The following FARP2 variants were observed in gnomAD, a reference collection of about 807,000 sequenced individuals.
The protein encoded by FARP2 is FERM, ARHGEF and pleckstrin domain-containing protein 2.
FARP2 carries 111 observed loss-of-function variants against 130.5 expected under a neutral mutation model. The observed-to-expected ratio is 0.85, with a 90% confidence interval of 0.73 to 1.00. The LOEUF (loss-of-function observed/expected upper bound fraction) is 1.00. Ranked by LOEUF, FARP2 falls within the 50% of genes least tolerant of loss-of-function variation. The pLI is 0.00. For missense variants in FARP2, 1,385 were observed against 1,346.3 expected (o/e 1.03, Z -0.45); for synonymous variants, 504 against 516.9 (o/e 0.98, Z 0.34).
At chr2:241,433,174 A>T (rs1405136599) in intron 9 of FARP2, among the ~76,000 whole-genome samples, 1 of 152,238 alleles carries the variant, frequency 6.6e-6, no homozygotes, top group East Asian at 1.9e-4. Flanking sequence ...TGATAGGGAA[A>T]GTTCACCAAA....
At chr2:241,457,260 T>G (rs565027936) in intron 14 of FARP2, among the ~76,000 whole-genome samples, 3 of 152,250 alleles carry the variant, frequency 2.0e-5, no homozygotes, top group African/African-American at 7.2e-5. Flanking sequence ...CTTCCCACCT[T>G]CCTCATTTCT....
chr2:241,375,202 C>T (rs553355788), intron 2 of FARP2, among the ~76,000 whole-genome samples: 3 of 152,232 alleles, frequency 2.0e-5, no homozygotes, highest in Non-Finnish European at 2.9e-5. Context: ...CCGCCCGCTT[C>T]GGCCTCCCAA....
At chr2:241,417,912 T>G (rs2062716734) in intron 7 of FARP2, 50 bp from the exon 8 acceptor site, 5 of 1,601,344 alleles carry the variant, frequency 3.1e-6, no homozygotes, top group Middle Eastern at 1.7e-4. Context: ...TTTTGGCTCT[T>G]TCAGAAATCA....
intron 14 of FARP2, among the ~76,000 whole-genome samples, chr2:241,457,621 A>G (rs12622311): frequency 0.034 from 343 of 10,224 alleles, 16 homozygotes; most frequent in East Asian, 0.086. Context: ...AAGGGAGGGT[A>G]CACTAGGGAC....
At position 241,375,963 on chromosome 2, in the gene FARP2, A is replaced by C. The variant is rs1559711536; in HGVS notation, c.183+2673A>C. On this transcript the variant is annotated intron_variant, in intron 2 of 26. Transcript: ENST00000264042. ...GAGAGCTAAAATTCAATATATTGTA[A>C]GTTGGTTGTATTCTGCTTCCAAGTA... 7.9e-5 allele frequency among the ~76,000 whole-genome samples: 12 copies of C among 152,218 alleles called. No individual in the cohort carries two copies. The South Asian group carries it at 2.5e-3, about 32-fold the overall frequency.
intron 4 of FARP2, 97 bp downstream of exon 4, chr2:241,404,938 T>A (rs1003063564): frequency 4.5e-6 from 4 of 883,232 alleles, no homozygotes; most frequent in Admixed American, 1.9e-5. Flanking sequence ...CTCACCACCG[T>A]GTATGGTTAG....
chr2:241,454,824 C>A (rs1318711878), intron 13 of FARP2, among the ~76,000 whole-genome samples: 6 of 152,196 alleles, frequency 3.9e-5, no homozygotes, highest in Admixed American at 1.3e-4. Flanking sequence ...CTTGTGTTTT[C>A]AATGTATCTT....
chr2:241,411,840 T>C (rs1450783297), intron 6 of FARP2, among the ~76,000 whole-genome samples: 1 of 152,204 alleles, frequency 6.6e-6, no homozygotes, highest in Non-Finnish European at 1.5e-5. Context: ...CCTTGGTCCT[T>C]CCCCAGACAT....
At chr2:241,453,360 T>G (rs4675954) in intron 13 of FARP2, among the ~76,000 whole-genome samples, 2 of 146,922 alleles carry the variant, frequency 1.4e-5, no homozygotes, top group Non-Finnish European at 3.0e-5. Context: ...CGGTGGCTCA[T>G]GCCTGTAATC....
chr2:241,493,658 A>AATCT, intron 26 of FARP2: 2 of 579,050 alleles, frequency 3.5e-6, no homozygotes, highest in Non-Finnish European at 6.1e-6. Flanking sequence ...GCAGTGATAC[A>AATCT]ATCTTGGCTC....
chr2:241,427,393 T>C (rs2150389014), intron 8 of FARP2, among the ~76,000 whole-genome samples: 1 of 152,248 alleles, frequency 6.6e-6, no homozygotes, highest in Non-Finnish European at 1.5e-5. Flanking sequence ...GCGTGGTAGC[T>C]CAAGCCTGTA....
chr2:241,373,024 G>A (rs759577624), intron 1 of FARP2, 60 bp from the exon 2 acceptor site: 1 of 955,724 alleles, frequency 1.0e-6, no homozygotes, highest in Non-Finnish European at 1.4e-6. Context: ...CTTTTACCTT[G>A]TTTTAGTACC....
chr2:241,358,537 T>C (rs917570643), intron 1 of FARP2, among the ~76,000 whole-genome samples: 1 of 152,246 alleles, frequency 6.6e-6, no homozygotes, highest in African/African-American at 2.4e-5. Flanking sequence ...ACCTCTTCTA[T>C]ATTCGGACAG....
At position 241,491,529 on chromosome 2, in the gene FARP2, G is replaced by A. The variant is rs1427350720; in HGVS notation, c.2637G>A (p.Glu879=). 2 of 1,613,528 alleles carry A rather than the reference G, an allele frequency of 1.2e-6. No homozygotes were observed. Among genetic ancestry groups the A allele is most frequent in the South Asian group, 2.2e-5 (2 of 91,070 alleles). The change falls in exon 24 of 27, where the codon GAG becomes GAA. Residue 879 remains glutamate, a synonymous_variant. Transcript: ENST00000264042. ...VCTRPPRSPN[E]VSLEQESEDD... is the part of the protein sequence containing the mutation. ...ACTTCTCCCCAGGATCCCCCAACGAGGTATCTCTGGAGCAGGAGTCAGAAG... is the reference window on the plus strand; with the variant it reads ...ACTTCTCCCCAGGATCCCCCAACGAAGTATCTCTGGAGCAGGAGTCAGAAG...
chr2:241,359,647 T>C (rs2061140194), intron 1 of FARP2, among the ~76,000 whole-genome samples: 1 of 152,226 alleles, frequency 6.6e-6, no homozygotes, highest in African/African-American at 2.4e-5. Context: ...CGGTGCTGCC[T>C]CTTTCTTTCT....
intron 18 of FARP2, among the ~76,000 whole-genome samples, chr2:241,471,803 T>C (rs1297451868): frequency 1.3e-5 from 2 of 152,162 alleles, no homozygotes; most frequent in Admixed American, 1.3e-4. Flanking sequence ...CCGGGGTTGC[T>C]GTTCTACGGA....
At chr2:241,473,560 G>A (rs4675950) in intron 18 of FARP2, among the ~76,000 whole-genome samples, 1 of 152,286 alleles carries the variant, frequency 6.6e-6, no homozygotes, top group Non-Finnish European at 1.5e-5. Context: ...AGTCCCTACC[G>A]AGGTGCAGCA....
intron 9 of FARP2, 24 bp from the exon 10 acceptor site, chr2:241,434,134 T>G (rs201582851): frequency 5.1e-6 from 8 of 1,565,820 alleles, no homozygotes; most frequent in Non-Finnish European, 7.0e-6. Context: ...CTTGAATTAA[T>G]TAACCTTTGT....
chr2:241,402,394 A>G (rs983154545), intron 2 of FARP2, among the ~76,000 whole-genome samples: 1 of 152,164 alleles, frequency 6.6e-6, no homozygotes, highest in African/African-American at 2.4e-5. Flanking sequence ...TTTTAAATGC[A>G]TAGTAGCCAT....
Sources: allele counts gnomAD v4.1 joint callset (sites outside exome capture counted in the v4.1 genomes callset), GRCh38; gene constraint gnomAD v4.1.1; transcripts MANE v1.5; gene names NCBI Gene and HGNC (gene_info 2026-07-23, HGNC 2026-07-21).